The following KDM4C variants were observed in gnomAD, a reference collection of about 807,000 sequenced individuals.
KDM4C encodes lysine demethylase 4C.
KDM4C carries 81 observed loss-of-function variants against 129.3 expected under a neutral mutation model. That is an observed-to-expected ratio of 0.63 (90% CI 0.52 to 0.75). The LOEUF is 0.75. KDM4C is among the 30% of genes least tolerant of loss of function. The pLI is 0.00. For synonymous variants in KDM4C, 573 were observed against 456.1 expected (o/e 1.26, Z -3.26); for missense variants, 1,457 against 1,304.0 (o/e 1.12, Z -1.81).
At chr9:7,148,365 C>T (rs946246213) in intron 19 of KDM4C, among the ~76,000 whole-genome samples, 2 of 152,222 alleles carry the variant, frequency 1.3e-5, no homozygotes, top group Admixed American at 6.5e-5. Context: ...TGTTACAGCT[C>T]TTTCAGTACC....
intron 18 of KDM4C, among the ~76,000 whole-genome samples, chr9:7,107,604 A>C (rs140605417): frequency 2.6e-5 from 4 of 152,196 alleles, no homozygotes; most frequent in Admixed American, 2.6e-4. Flanking sequence ...TGGCCTCTTT[A>C]TACATCTTAT....
chr9:6,762,320 T>C (rs1172775165), intron 1 of KDM4C, among the ~76,000 whole-genome samples: 2 of 151,760 alleles, frequency 1.3e-5, no homozygotes, highest in East Asian at 3.9e-4. Flanking sequence ...CATTGTTCCT[T>C]CTTTTCTTTT....
In KDM4C at chr9:6,970,810, C is replaced by G. The variant is rs558145640; in HGVS notation, c.922-10115C>G. On this transcript the variant is annotated intron_variant, in intron 8 of 21. Coordinates refer to ENST00000381309, the MANE Select transcript of KDM4C (RefSeq NM_015061.6). ...GTATTCCCACCCCCCGCCCCTAACC[C>G]CCACCCCGGTCTCACCCCCAGGGTA... Among the ~76,000 whole-genome samples, 57 of 141,808 alleles carry G rather than the reference C, an allele frequency of 4.0e-4. 1 individual carries two copies. Among genetic ancestry groups the G allele is most frequent in the Non-Finnish European group, 8.0e-4 (52 of 65,100 alleles). The allele number at this position is 141,808 out of a possible 152,430, so 93.0% of individuals were successfully genotyped here.
At chr9:6,992,553 C>T (rs1468671777) in intron 12 of KDM4C, among the ~76,000 whole-genome samples, 3 of 152,140 alleles carry the variant, frequency 2.0e-5, no homozygotes, top group African/African-American at 7.2e-5. Context: ...AAACTGGCAA[C>T]AGAGAATATT....
rs369585349 is a variant in KDM4C at position 6,835,489 on chromosome 9, G to T, written c.436-14018G>T. 182 of 1,497,124 alleles carry T rather than the reference G, an allele frequency of 1.2e-4. 2 individuals carry two copies. In the East Asian group the frequency reaches 3.8e-3, roughly 31 times the overall value. 92.7% of individuals were successfully genotyped at this position (1,497,124 alleles called of 1,614,324 possible). On this transcript the variant is annotated intron_variant, in intron 4 of 21. Transcript: ENST00000381309. ...TGTGTGGATTGGCGGCTCCATCCTG[G>T]CCTCGCTGTCCACCTTCCAGCAGAT...
intron 8 of KDM4C, among the ~76,000 whole-genome samples, chr9:6,972,597 A>G (rs1832186369): frequency 6.6e-6 from 1 of 152,188 alleles, no homozygotes; most frequent in Non-Finnish European, 1.5e-5. Context: ...ACATTCTGGT[A>G]TGTGTTGCCA....
intron 4 of KDM4C, chr9:6,835,272 C>A: frequency 1.1e-6 from 1 of 909,336 alleles, no homozygotes; most frequent in Non-Finnish European, 1.9e-6. Context: ...CCTGTGGCAT[C>A]CATGAAACTA....
At chr9:6,781,450 A>C (rs1041641497) in intron 1 of KDM4C, among the ~76,000 whole-genome samples, 1 of 152,116 alleles carries the variant, frequency 6.6e-6, no homozygotes, top group Non-Finnish European at 1.5e-5. Context: ...ATTTGTTGCC[A>C]ACAGCACTGT....
intron 11 of KDM4C, among the ~76,000 whole-genome samples, chr9:6,988,319 T>C (rs1818104529): frequency 6.6e-6 from 1 of 152,170 alleles, no homozygotes. Context: ...AGAATGGAGC[T>C]GAAAGTAATT....
At chr9:6,913,972 C>G (rs1048361372) in intron 8 of KDM4C, among the ~76,000 whole-genome samples, 1 of 152,202 alleles carries the variant, frequency 6.6e-6, no homozygotes, top group African/African-American at 2.4e-5. Flanking sequence ...ACTGCACTTT[C>G]TGCGTTTCTT....
At chr9:7,034,982 G>T (rs1827381994) in intron 15 of KDM4C, among the ~76,000 whole-genome samples, 1 of 152,026 alleles carries the variant, frequency 6.6e-6, no homozygotes, top group South Asian at 2.1e-4. Flanking sequence ...TGAAATGTAT[G>T]TTCAGATCAT....
chr9:7,146,037 T>C lies in KDM4C; in HGVS notation c.2781+17801T>C, dbSNP rs143932864. On this transcript the variant is annotated intron_variant, in intron 19 of 21. Transcript: ENST00000381309. ...TTCCTTTGATCTGGACATTGAACAC[T>C]TACCAGTGCAGCCAGGAGGAAGGTT... 8.1e-3 allele frequency among the ~76,000 whole-genome samples: 1,231 copies of C among 152,332 alleles called. 17 individuals are homozygous for C. The highest frequency in any genetic ancestry group is 0.028 in the African/African-American group (1,160 of 41,572).
chr9:6,882,921 G>A (rs771370674), intron 6 of KDM4C, among the ~76,000 whole-genome samples: 1 of 152,144 alleles, frequency 6.6e-6, no homozygotes, highest in African/African-American at 2.4e-5. Context: ...GTGCCAGGGG[G>A]TAGATAAAGG....
intron 5 of KDM4C, among the ~76,000 whole-genome samples, chr9:6,859,200 G>T (rs56824084): frequency 0.16 from 24,740 of 152,088 alleles, 2,420 homozygotes; most frequent in South Asian, 0.39. Context: ...TCTGGTGGCC[G>T]GGTACGGTGG....
intron 4 of KDM4C, among the ~76,000 whole-genome samples, chr9:6,843,265 C>G (rs1161864564): frequency 6.6e-6 from 1 of 152,304 alleles, no homozygotes; most frequent in Admixed American, 6.5e-5. Flanking sequence ...GCTGACAGCC[C>G]TCTTTGAAGT....
chr9:7,011,881 T>TA lies in KDM4C; in HGVS notation c.1968+5dup, dbSNP rs753751224. On this transcript the variant is annotated splice_region_variant and intron_variant, in intron 13 of 21. Coordinates refer to ENST00000381309, the MANE Select transcript of KDM4C (RefSeq NM_015061.6). Reference sequence around the variant, plus strand: ...ACTCTGCTCATGCCGTACCACAAGGTAAAGGAGCCTGCTATCATAGTTCCC... The same window carrying TA: ...ACTCTGCTCATGCCGTACCACAAGGTAAAAGGAGCCTGCTATCATAGTTCCC... 2.5e-5 allele frequency: 41 copies of TA among 1,611,332 alleles called. No homozygotes were observed. Among genetic ancestry groups the TA allele is most frequent in the Non-Finnish European group, 3.5e-5 (41 of 1,178,514 alleles).
intron 4 of KDM4C, among the ~76,000 whole-genome samples, chr9:6,848,285 A>G (rs945430265): frequency 3.9e-5 from 6 of 152,242 alleles, no homozygotes; most frequent in Admixed American, 6.5e-5. Context: ...GAACATGCCT[A>G]GTCTCTGATA....
At chr9:7,107,144 G>A (rs1311779081) in intron 18 of KDM4C, among the ~76,000 whole-genome samples, 1 of 152,186 alleles carries the variant, frequency 6.6e-6, no homozygotes, top group African/African-American at 2.4e-5. Context: ...ATCTGTCGGT[G>A]TGTGTAGTCA....
chr9:6,910,217 A>C (rs1438004531), intron 8 of KDM4C, among the ~76,000 whole-genome samples: 1 of 152,144 alleles, frequency 6.6e-6, no homozygotes, highest in Non-Finnish European at 1.5e-5. Context: ...GTTTTTGGGC[A>C]AGTTTGAGAA....
Sources: gnomAD v4.1 joint callset for allele counts (sites outside exome capture counted in the v4.1 genomes callset) on GRCh38, gnomAD v4.1.1 for gene constraint, MANE v1.5 for transcripts, NCBI Gene and HGNC (gene_info 2026-07-23, HGNC 2026-07-21) for gene names.